The following PDS5B variants were observed in gnomAD, a reference collection of about 807,000 sequenced individuals.
PDS5B encodes the protein sister chromatid cohesion protein PDS5 homolog B.
Under a neutral mutation model 184.1 loss-of-function variants are expected in PDS5B, and 51 were observed. The ratio of observed to expected loss-of-function variants is 0.28; its 90% CI spans 0.22 to 0.35. The LOEUF (loss-of-function observed/expected upper bound fraction) is 0.35. Among genes scored for constraint, PDS5B ranks in the 10% least tolerant of loss-of-function variants. The pLI, the probability that PDS5B is intolerant of heterozygous loss-of-function variation, is 1.00. For missense variants in PDS5B, 1,180 were observed against 1,723.3 expected (o/e 0.68, Z 5.58); for synonymous variants, 566 against 569.2 (o/e 0.99, Z 0.08).
rs1951147354 is a variant in PDS5B, at chr13:32,678,825, A to G, written c.963-10A>G. 2 of 1,480,218 alleles carry G rather than the reference A, an allele frequency of 1.4e-6. No homozygotes were observed. The highest frequency in any genetic ancestry group is 4.5e-5 in the East Asian group (2 of 44,200). The allele number at this position is 1,480,218 out of a possible 1,614,324, so 91.7% of individuals were successfully genotyped here. On this transcript the variant is annotated splice_polypyrimidine_tract_variant and intron_variant, in intron 9 of 34. Coordinates refer to ENST00000315596, the MANE Select transcript of PDS5B (RefSeq NM_015032.4). ...TTTGAAGCTCACTCTGTGCTTTTAT[A>G]TTTTATCAGGTTTAATGATATCCAT...
chr13:32,684,847 C>T (rs1593422856), intron 11 of PDS5B, among the ~76,000 whole-genome samples: 1 of 152,214 alleles, frequency 6.6e-6, no homozygotes, highest in Non-Finnish European at 1.5e-5. Context: ...GGTGCAGTAG[C>T]TCACATCTGT....
Position 32,776,664 on chromosome 13 carries a change from A to T in PDS5B, c.*1612A>T, listed in dbSNP as rs188502444. The stretch of plus-strand genomic sequence containing the variant: ...GAATAGTGGAACATTTTCATATGAT[A>T]CACCATTATGTTTAAGATATATTTC... On this transcript the variant is annotated 3_prime_UTR_variant, in exon 35 of 35. Transcript: ENST00000315596. 552 of 152,568 alleles carry T rather than the reference A, an allele frequency of 3.6e-3. 1 individual carries two copies. Among genetic ancestry groups the T allele is most frequent in the South Asian group, 5.8e-3 (28 of 4,830 alleles). The allele number at this position is 152,568 out of a possible 1,614,324, so 9.5% of individuals were successfully genotyped here.
intron 10 of PDS5B, among the ~76,000 whole-genome samples, chr13:32,682,601 T>C (rs1364894139): frequency 1.3e-5 from 2 of 152,186 alleles, no homozygotes; most frequent in African/African-American, 4.8e-5. Context: ...TATACAAGTA[T>C]TTCTGTGGGC....
At chr13:32,645,911 C>T (rs1165791583) in intron 1 of PDS5B, among the ~76,000 whole-genome samples, 4 of 152,162 alleles carry the variant, frequency 2.6e-5, no homozygotes, top group East Asian at 1.9e-4. Flanking sequence ...TCTCTGTTTT[C>T]GAGCTTATAA....
At chr13:32,688,911 T>A in intron 13 of PDS5B, 1 of 277,794 alleles carries the variant, frequency 3.6e-6, no homozygotes, top group Non-Finnish European at 7.0e-6. Flanking sequence ...ATGAAAATAC[T>A]ACCTTTTTAT....
chr13:32,655,378 T>G (rs868856796), intron 3 of PDS5B, among the ~76,000 whole-genome samples: 2 of 65,658 alleles, frequency 3.0e-5, no homozygotes, highest in Non-Finnish European at 4.9e-5. Flanking sequence ...ATATATATTT[T>G]TTTTTTTTTT....
At chr13:32,669,670 C>G (rs569272709) in intron 7 of PDS5B, among the ~76,000 whole-genome samples, 1 of 152,150 alleles carries the variant, frequency 6.6e-6, no homozygotes, top group Non-Finnish European at 1.5e-5. Flanking sequence ...CCCCCATGAA[C>G]TCCCCAAACT....
At chr13:32,639,530 A>G (rs2058621432) in intron 1 of PDS5B, among the ~76,000 whole-genome samples, 1 of 152,372 alleles carries the variant, frequency 6.6e-6, no homozygotes, top group East Asian at 1.9e-4. Flanking sequence ...GTTGGAAAAT[A>G]TGTAAACAGG....
intron 15 of PDS5B, among the ~76,000 whole-genome samples, chr13:32,698,641 C>G (rs1951777007): frequency 6.6e-6 from 1 of 151,844 alleles, no homozygotes; most frequent in Non-Finnish European, 1.5e-5. Context: ...AATATCTCAC[C>G]AAGACATAAA....
chr13:32,764,113 G>T (rs1330708119), intron 30 of PDS5B, among the ~76,000 whole-genome samples: 1 of 152,172 alleles, frequency 6.6e-6, no homozygotes, highest in South Asian at 2.1e-4. Context: ...GTGTTAGAGG[G>T]TGTTAAATGC....
chr13:32,660,974 A>G (rs1022642335), intron 6 of PDS5B, among the ~76,000 whole-genome samples: 14 of 152,220 alleles, frequency 9.2e-5, no homozygotes, highest in African/African-American at 3.4e-4. Flanking sequence ...TGAATAAAAC[A>G]TTCTGACAAA....
At chr13:32,703,144 CAATT>C (rs1336396663) in intron 17 of PDS5B, among the ~76,000 whole-genome samples, 9 of 151,136 alleles carry the variant, frequency 6.0e-5, no homozygotes, top group East Asian at 3.9e-4. Context: ...ACATGACAAA[CAATT>C]AAAAAAAAAT....
intron 1 of PDS5B, among the ~76,000 whole-genome samples, chr13:32,634,450 T>A (rs900236971): frequency 1.3e-5 from 2 of 152,196 alleles, no homozygotes; most frequent in Non-Finnish European, 1.5e-5. Flanking sequence ...ATTTGGATTG[T>A]TTGTTGTTTT....
chr13:32,607,995 C>A (rs556898670), intron 1 of PDS5B, among the ~76,000 whole-genome samples: 1 of 152,184 alleles, frequency 6.6e-6, no homozygotes, highest in Non-Finnish European at 1.5e-5. Flanking sequence ...AATTCCCCAA[C>A]GCCTTGCGCT....
intron 16 of PDS5B, 148 bp from the exon 17 acceptor site, chr13:32,701,174 AG>A (rs1391727175): frequency 3.6e-6 from 2 of 548,698 alleles, no homozygotes; most frequent in African/African-American, 3.8e-5. Flanking sequence ...TCCTTAATTC[AG>A]TCTTTTTTTC....
At chr13:32,725,600 C>G (rs1952870932) in intron 19 of PDS5B, among the ~76,000 whole-genome samples, 3 of 152,162 alleles carry the variant, frequency 2.0e-5, no homozygotes, top group Admixed American at 1.3e-4. Context: ...TATGATAATT[C>G]AGTAGACATA....
chr13:32,757,177 G>A (rs1954212688), intron 26 of PDS5B, among the ~76,000 whole-genome samples: 1 of 151,750 alleles, frequency 6.6e-6, no homozygotes, highest in Non-Finnish European at 1.5e-5. Context: ...TTGTGTTAGA[G>A]TGATTAAAAC....
At chr13:32,690,485 CTATGT>C (rs1951518478) in intron 13 of PDS5B, 1 of 151,966 alleles carries the variant, frequency 6.6e-6, no homozygotes, top group South Asian at 2.1e-4. Context: ...TCTTGACTAA[CTATGT>C]TATAAGTGGG....
intron 19 of PDS5B, 60 bp from the exon 20 acceptor site, chr13:32,732,037 GTATC>G (rs1337696619): frequency 1.5e-6 from 2 of 1,329,212 alleles, no homozygotes; most frequent in African/African-American, 3.0e-5. Context: ...AAATATTAAA[GTATC>G]TAGCAGAAGT....
Sources: allele counts gnomAD v4.1 joint callset (sites outside exome capture counted in the v4.1 genomes callset), GRCh38; gene constraint gnomAD v4.1.1; transcripts MANE v1.5; gene names NCBI Gene and HGNC (gene_info 2026-07-23, HGNC 2026-07-21).